DPY19L3: variants seen among roughly 807,000 people sequenced by gnomAD.
The protein encoded by DPY19L3 is protein C-mannosyl-transferase DPY19L3.
A neutral mutation model predicts 92.3 loss-of-function variants in DPY19L3; 51 were observed. The observed-to-expected ratio is 0.55, with a 90% CI of 0.44 to 0.70. The LOEUF (loss-of-function observed/expected upper bound fraction) is 0.70. Ranked by LOEUF, DPY19L3 falls within the 30% of genes least tolerant of loss-of-function variation. The probability of loss-of-function intolerance (pLI) is 0.00; values close to 1 mark genes in which losing one functional copy is unlikely to be tolerated. For missense variants in DPY19L3, 706 were observed against 855.9 expected (o/e 0.82, Z 2.18); for synonymous variants, 309 against 315.2 (o/e 0.98, Z 0.21).
At chr19:32,469,105 T>C (rs1329581002) in intron 16 of DPY19L3, 1 of 195,480 alleles carries the variant, frequency 5.1e-6, no homozygotes, top group East Asian at 1.2e-4. Context: ...AAGTTTATAA[T>C]ATCTGTTGAA....
At position 32,411,331 on chromosome 19, in the gene DPY19L3, G is replaced by A; in HGVS notation, c.196G>A (p.Ala66Thr). ...TGGACTTCTTACATCTGTCTACCTT[G>A]CCACGTTACATGAAAATGATTTATG... ...CIGLLTSVYLATLHENDLWFS... is the reference protein window; with the variant it reads ...CIGLLTSVYLTTLHENDLWFS... The change falls in exon 3 of 19, where the codon GCC becomes ACC. Residue 66 changes from alanine (A) to threonine (T), a missense_variant. Coordinates refer to ENST00000392250, the MANE Select transcript of DPY19L3 (RefSeq NM_001172774.2). The A allele has an allele frequency of 6.2e-7, 1 of 1,614,020 alleles. No homozygotes were observed. The highest frequency in any genetic ancestry group is 8.5e-7 in the Non-Finnish European group (1 of 1,180,002).
intron 2 of DPY19L3, among the ~76,000 whole-genome samples, chr19:32,408,824 A>G (rs1202405146): frequency 4.7e-5 from 7 of 150,496 alleles, no homozygotes; most frequent in Non-Finnish European, 7.4e-5. Context: ...TATTGGTGGG[A>G]AAAGTAATCA....
chr19:32,454,795 A>G lies in DPY19L3; in HGVS notation c.988-144A>G, dbSNP rs370236958. 37 of 540,958 alleles carry G rather than the reference A, an allele frequency of 6.8e-5. No homozygotes were observed. In the East Asian group the frequency reaches 1.3e-3, roughly 18 times the overall value. The allele number at this position is 540,958 out of a possible 1,614,324, so 33.5% of individuals were successfully genotyped here. A position where few individuals can be genotyped will look rare whatever the true frequency, so the allele number is the denominator to read the frequency against. On this transcript the variant is annotated intron_variant, in intron 9 of 18. Coordinates refer to ENST00000392250, the MANE Select transcript of DPY19L3 (RefSeq NM_001172774.2). ...TATTAAGACAGTGTAACCTCATGAA[A>G]ATGAGTAGGTTGTATTTTCCACATA...
rs555515468 is a variant in DPY19L3, at chr19:32,465,264, A to G, written c.1614+480A>G. 1.1e-4 allele frequency among the ~76,000 whole-genome samples: 16 copies of G among 152,374 alleles called. No individual in the cohort carries two copies. The East Asian group carries it at 1.7e-3, about 17-fold the overall frequency. On this transcript the variant is annotated intron_variant, in intron 15 of 18. Transcript: ENST00000392250. The stretch of plus-strand genomic sequence containing the variant: ...TTTTAAAATCTGTTCTTCAGTATCA[A>G]TAGGAAGTATCTGGATTTTTCATAT...
intron 8 of DPY19L3, 60 bp downstream of exon 8, chr19:32,439,970 G>C: frequency 6.3e-7 from 1 of 1,582,152 alleles, no homozygotes. Flanking sequence ...TTATATCATA[G>C]AATGAGATGA....
Position 32,482,218 on chromosome 19 carries a change from A to C in DPY19L3, c.2129A>C (p.Tyr710Ser), listed in dbSNP as rs564059366. Residue 710 changes from tyrosine (Y) to serine (S), a missense_variant, in exon 19 of 19, where the codon TAC becomes TCC. Physicochemically the swap from Tyr to Ser is moderately radical, Grantham distance 144 (BLOSUM62 -2). Transcript: ENST00000392250. The part of the protein sequence containing the change: ...RVFQNKTFHV[Y>S]KLSRNK ...TTCCAGAACAAAACCTTCCACGTTTACAAGCTGTCCAGAAACAAGTAGCGC... is the reference window on the plus strand; with the variant it reads ...TTCCAGAACAAAACCTTCCACGTTTCCAAGCTGTCCAGAAACAAGTAGCGC... The C allele has an allele frequency of 6.2e-7, 1 of 1,613,204 alleles. No homozygotes were observed. Among genetic ancestry groups the C allele is most frequent in the Admixed American group, 1.7e-5 (1 of 59,788 alleles).
intron 17 of DPY19L3, among the ~76,000 whole-genome samples, chr19:32,479,816 A>T (rs892663295): frequency 2.4e-4 from 37 of 152,124 alleles, no homozygotes; most frequent in African/African-American, 8.5e-4. Context: ...AGTGGCTCTC[A>T]CCCCTAGGAT....
At chr19:32,479,037 A>C (rs1189858653) in intron 17 of DPY19L3, among the ~76,000 whole-genome samples, 1 of 152,034 alleles carries the variant, frequency 6.6e-6, no homozygotes, top group African/African-American at 2.4e-5. Context: ...CTTCATCCTC[A>C]CCAGTCAGGT....
At position 32,484,499 on chromosome 19, in the gene DPY19L3, C is replaced by G. The variant is rs1970750660; in HGVS notation, c.*2259C>G. ...GTGGTGATAACCTCAAAGAATGGCT[C>G]TGTTTTCTATTGACAGAAAACCCAC... is the stretch of plus-strand genomic sequence containing the variant. On this transcript the variant is annotated 3_prime_UTR_variant, in exon 19 of 19. Coordinates refer to ENST00000392250, the MANE Select transcript of DPY19L3 (RefSeq NM_001172774.2). 1 of 152,206 alleles carries G rather than the reference C, an allele frequency of 6.6e-6. No homozygotes were observed. Among genetic ancestry groups the G allele is most frequent in the African/African-American group, 2.4e-5 (1 of 41,454 alleles). 9.4% of individuals were successfully genotyped at this position (152,206 alleles called of 1,614,324 possible). A position where few individuals can be genotyped will look rare whatever the true frequency, so the allele number is the denominator to read the frequency against.
chr19:32,437,637 T>C (rs867500447), intron 6 of DPY19L3, among the ~76,000 whole-genome samples: 2 of 152,148 alleles, frequency 1.3e-5, no homozygotes, highest in Admixed American at 6.5e-5. Context: ...GCCGCATATC[T>C]CATCTCTTAA....
intron 16 of DPY19L3, 98 bp downstream of exon 16, chr19:32,468,911 CTAAT>C (rs1970273203): frequency 1.7e-6 from 2 of 1,194,430 alleles, no homozygotes; most frequent in Non-Finnish European, 2.3e-6. Context: ...GTTTCTGAAT[CTAAT>C]TACGAAGAAA....
At position 32,458,235 on chromosome 19, in the gene DPY19L3, CTTAAG is replaced by C. The variant is rs1275292664; in HGVS notation, c.1163+65_1163+69del. 7 of 1,582,432 alleles carry C rather than the reference CTTAAG, an allele frequency of 4.4e-6. No individual in the cohort carries two copies. The African/African-American group carries it at 6.8e-5, about 15-fold the overall frequency. On this transcript the variant is annotated intron_variant, in intron 11 of 18. Transcript: ENST00000392250. The stretch of plus-strand genomic sequence containing the variant: ...TATTGAATCAGCAGGGACTTTAAAA[CTTAAG>C]TTGTCATTGTGCCTTCAACTATTAA...
Position 32,480,577 on chromosome 19 carries a change from C to G in DPY19L3, c.1989+20C>G. On this transcript the variant is annotated intron_variant, in intron 18 of 18. Transcript: ENST00000392250. Reference sequence around the variant, plus strand: ...GGCCACGTGAGCATGCTGCCTCTCCCTGTGTGGGGGTCTCCTGGAGGGGCG... The same window carrying G: ...GGCCACGTGAGCATGCTGCCTCTCCGTGTGTGGGGGTCTCCTGGAGGGGCG... 1 of 1,607,240 alleles carries G rather than the reference C, an allele frequency of 6.2e-7. No individual in the cohort carries two copies. The highest frequency in any genetic ancestry group is 8.5e-7 in the Non-Finnish European group (1 of 1,176,868).
intron 13 of DPY19L3, 79 bp from the exon 14 acceptor site, chr19:32,463,790 G>A: frequency 1.0e-5 from 13 of 1,253,634 alleles, no homozygotes; most frequent in Non-Finnish European, 1.5e-5. Flanking sequence ...AGACTGTAAA[G>A]CTGCCTTTAT....
At chr19:32,459,224 T>C (rs1291058066) in intron 12 of DPY19L3, among the ~76,000 whole-genome samples, 2 of 152,208 alleles carry the variant, frequency 1.3e-5, no homozygotes, top group African/African-American at 4.8e-5. Context: ...CTTGTAAGAA[T>C]ATCTACCCAT....
intron 2 of DPY19L3, among the ~76,000 whole-genome samples, chr19:32,410,433 G>A (rs1968138066): frequency 6.6e-6 from 1 of 152,032 alleles, no homozygotes; most frequent in Non-Finnish European, 1.5e-5. Context: ...TTTATTCTGT[G>A]GGTTTTTCCC....
chr19:32,465,604 A>T (rs1450116790), intron 15 of DPY19L3, among the ~76,000 whole-genome samples: 3 of 152,154 alleles, frequency 2.0e-5, no homozygotes, highest in African/African-American at 7.2e-5. Flanking sequence ...AGCAGGGGTG[A>T]TGGGACCTCC....
intron 3 of DPY19L3, among the ~76,000 whole-genome samples, chr19:32,413,956 T>G (rs1968287460): frequency 6.6e-6 from 1 of 152,138 alleles, no homozygotes; most frequent in African/African-American, 2.4e-5. Flanking sequence ...ACTCCTGGAC[T>G]CAAGCAATCC....
chr19:32,423,499 A>G (rs1470874948), intron 3 of DPY19L3, among the ~76,000 whole-genome samples: 1 of 150,146 alleles, frequency 6.7e-6, no homozygotes, highest in Non-Finnish European at 1.5e-5. Flanking sequence ...TCCTGAGCTC[A>G]GGCAGTCCAT....
Sources: gnomAD v4.1 joint callset for allele counts (sites outside exome capture counted in the v4.1 genomes callset) on GRCh38, gnomAD v4.1.1 for gene constraint, MANE v1.5 for transcripts, NCBI Gene and HGNC (gene_info 2026-07-23, HGNC 2026-07-21) for gene names.